The following NEDD4L variants were observed in gnomAD, a reference collection of about 807,000 sequenced individuals.
The protein encoded by NEDD4L is NEDD4 like E3 ubiquitin protein ligase.
NEDD4L carries 54 observed loss-of-function variants against 148.9 expected under a neutral mutation model. The observed-to-expected ratio is 0.36, with a 90% CI of 0.29 to 0.45. The LOEUF is 0.45. NEDD4L is among the 20% of genes least tolerant of loss of function. The probability of loss-of-function intolerance (pLI) is 1.00; values close to 1 mark genes in which losing one functional copy is unlikely to be tolerated. For synonymous variants in NEDD4L, 433 were observed against 440.7 expected (o/e 0.98, Z 0.22); for missense variants, 856 against 1,233.8 (o/e 0.69, Z 4.59).
At chr18:58,114,711 C>T (rs2085668451) in intron 1 of NEDD4L, among the ~76,000 whole-genome samples, 1 of 152,204 alleles carries the variant, frequency 6.6e-6, no homozygotes, top group Non-Finnish European at 1.5e-5. Context: ...ATGGGCTAAA[C>T]TCAAGGTGTC....
chr18:58,108,425 T>A (rs1033205658), intron 1 of NEDD4L, among the ~76,000 whole-genome samples: 1 of 152,226 alleles, frequency 6.6e-6, no homozygotes, highest in African/African-American at 2.4e-5. Context: ...TATTTCATTT[T>A]TATGTTTATT....
chr18:58,238,010 G>A (rs940218145), intron 2 of NEDD4L, among the ~76,000 whole-genome samples: 4 of 152,232 alleles, frequency 2.6e-5, no homozygotes, highest in Non-Finnish European at 4.4e-5. Flanking sequence ...CCAAAAGTGT[G>A]TTCTTCGGCA....
At position 58,115,697 on chromosome 18, in the gene NEDD4L, C is replaced by G. The variant is rs757631300; in HGVS notation, c.49-50091C>G. Among the ~76,000 whole-genome samples the G allele has an allele frequency of 4.6e-5, 7 of 152,240 alleles. No homozygotes were observed. In the East Asian group the frequency reaches 1.4e-3, roughly 29 times the overall value. Reference sequence around the variant, plus strand: ...CTGCCTAAATGGAGGGAATGTGCATCCTCTCTTGTGTTGCGTGGCAATGCC... The same window carrying G: ...CTGCCTAAATGGAGGGAATGTGCATGCTCTCTTGTGTTGCGTGGCAATGCC... On this transcript the variant is annotated intron_variant, in intron 1 of 30. Transcript: ENST00000400345.
At chr18:58,299,803 C>T (rs1166077848) in intron 5 of NEDD4L, among the ~76,000 whole-genome samples, 10 of 152,090 alleles carry the variant, frequency 6.6e-5, no homozygotes, top group Non-Finnish European at 1.3e-4. Context: ...GTTTCATGGT[C>T]AGCTGTTCTC....
intron 5 of NEDD4L, among the ~76,000 whole-genome samples, chr18:58,293,715 T>G (rs190903245): frequency 1.0e-3 from 156 of 152,292 alleles, no homozygotes; most frequent in African/African-American, 3.4e-3. Flanking sequence ...TTTTATAAGA[T>G]CTCCTGTTTA....
chr18:58,383,388 C>A, intron 25 of NEDD4L, 69 bp downstream of exon 25: 1 of 846,118 alleles, frequency 1.2e-6, no homozygotes, highest in Non-Finnish European at 1.9e-6. Context: ...CTGTCCCTTG[C>A]TGAAACAGCT....
intron 2 of NEDD4L, among the ~76,000 whole-genome samples, chr18:58,239,059 A>T (rs1469285755): frequency 1.3e-5 from 2 of 152,244 alleles, no homozygotes; most frequent in Non-Finnish European, 2.9e-5. Context: ...AAGAATGAGG[A>T]AACCTTCAAC....
At chr18:58,278,843 A>G (rs954051959) in intron 5 of NEDD4L, among the ~76,000 whole-genome samples, 1 of 152,190 alleles carries the variant, frequency 6.6e-6, no homozygotes, top group Non-Finnish European at 1.5e-5. Flanking sequence ...TCACACAGTT[A>G]TATATTTGAC....
At chr18:58,247,650 G>A in intron 3 of NEDD4L, 1 of 152,580 alleles carries the variant, frequency 6.6e-6, no homozygotes, top group Non-Finnish European at 1.5e-5. Context: ...CTGCGTTCGG[G>A]TGCGAGAACT....
intron 2 of NEDD4L, among the ~76,000 whole-genome samples, chr18:58,190,703 A>C (rs1361066182): frequency 6.6e-6 from 1 of 152,148 alleles, no homozygotes; most frequent in Non-Finnish European, 1.5e-5. Context: ...TACTACTGGA[A>C]GGGTTTATTT....
chr18:58,054,960 G>C (rs924741615), intron 1 of NEDD4L: 1 of 152,192 alleles, frequency 6.6e-6, no homozygotes, highest in African/African-American at 2.4e-5. Flanking sequence ...CTTTAAGCCA[G>C]GAGTAAGAGC....
At chr18:58,252,789 G>A (rs964808275) in intron 5 of NEDD4L, among the ~76,000 whole-genome samples, 7 of 152,156 alleles carry the variant, frequency 4.6e-5, no homozygotes, top group South Asian at 4.2e-4. Context: ...TGGTGCAGTC[G>A]TAGCTCACTG....
chr18:58,146,232 G>C (rs964548629), intron 1 of NEDD4L, among the ~76,000 whole-genome samples: 4 of 152,196 alleles, frequency 2.6e-5, no homozygotes, highest in Admixed American at 1.3e-4. Context: ...GAGAGACCTA[G>C]ACGCAGAAAA....
chr18:58,350,918 A>C (rs563537928), intron 17 of NEDD4L, 73 bp from the exon 18 acceptor site: 14 of 1,197,836 alleles, frequency 1.2e-5, no homozygotes, highest in Non-Finnish European at 1.6e-5. Context: ...ATAGTTTTTA[A>C]ATGTTGCCTT....
intron 4 of NEDD4L, among the ~76,000 whole-genome samples, chr18:58,250,362 C>A (rs7233421): frequency 0.92 from 140,374 of 152,128 alleles, 64,823 homozygotes; most frequent in East Asian, 0.99. Context: ...GTTGGCCAGG[C>A]TGGTCTCACT....
chr18:58,304,044 C>T (rs1008839164), intron 5 of NEDD4L, among the ~76,000 whole-genome samples: 19 of 151,952 alleles, frequency 1.3e-4, no homozygotes, highest in Non-Finnish European at 1.5e-4. Context: ...ACACCTGCCT[C>T]CCAGGGACGT....
chr18:58,320,098 A>G (rs139797840), intron 6 of NEDD4L, among the ~76,000 whole-genome samples: 3 of 152,284 alleles, frequency 2.0e-5, no homozygotes, highest in East Asian at 3.9e-4. Context: ...TGCATAGGGT[A>G]TGGACAGACT....
At chr18:58,262,616 G>A (rs1433950284) in intron 5 of NEDD4L, among the ~76,000 whole-genome samples, 1 of 142,690 alleles carries the variant, frequency 7.0e-6, no homozygotes, top group African/African-American at 2.6e-5. Context: ...GCGACAGAGT[G>A]AAACTCTGTC....
At chr18:58,184,845 G>A (rs901923697) in intron 2 of NEDD4L, among the ~76,000 whole-genome samples, 9 of 151,914 alleles carry the variant, frequency 5.9e-5, no homozygotes, top group Admixed American at 2.0e-4. Flanking sequence ...GGAGAATGGC[G>A]TGAACGCAGG....
Sources: gnomAD v4.1 joint callset for allele counts (sites outside exome capture counted in the v4.1 genomes callset) on GRCh38, gnomAD v4.1.1 for gene constraint, MANE v1.5 for transcripts, NCBI Gene and HGNC (gene_info 2026-07-23, HGNC 2026-07-21) for gene names.